The following ANO2 variants were observed in gnomAD, a reference collection of about 807,000 sequenced individuals.
The protein encoded by ANO2 is anoctamin-2.
A neutral mutation model predicts 124.2 loss-of-function variants in ANO2; 101 were observed. That is an observed-to-expected ratio of 0.81 (90% CI 0.69 to 0.96). The LOEUF is 0.96. Among genes scored for constraint, ANO2 ranks in the 40% least tolerant of loss-of-function variants. ANO2 has a pLI of 0.00. For synonymous variants in ANO2, 486 were observed against 482.5 expected (o/e 1.01, Z -0.09); for missense variants, 1,293 against 1,274.5 (o/e 1.01, Z -0.22).
intron 14 of ANO2, among the ~76,000 whole-genome samples, chr12:5,724,157 C>T (rs1950342756): frequency 6.6e-6 from 1 of 152,118 alleles, no homozygotes; most frequent in Admixed American, 6.5e-5. Flanking sequence ...ATTTCAGAAA[C>T]ATAACCAGGC....
intron 10 of ANO2, among the ~76,000 whole-genome samples, chr12:5,779,200 A>T (rs538851983): frequency 4.8e-4 from 73 of 152,364 alleles, no homozygotes; most frequent in African/African-American, 1.7e-3. Context: ...GTGTCCAATC[A>T]AGAGTACACT....
rs1386477501 is a variant in ANO2, at chr12:5,921,306, T to C, written c.268A>G (p.Met90Val). 1.9e-6 allele frequency: 3 copies of C among 1,613,948 alleles called. No homozygotes were observed. In the East Asian group the frequency reaches 6.7e-5, roughly 36 times the overall value. ...TTCCTCTGACTGTCATGGAAGTGCATGCGGCTAAGACGGGCCTCCAAGGAC... is the reference window on the plus strand; with the variant it reads ...TTCCTCTGACTGTCATGGAAGTGCACGCGGCTAAGACGGGCCTCCAAGGAC... ...PVSLEARLSR[M>V]HFHDSQRKVD... Residue 90 changes from methionine to valine, a missense_variant, in exon 3 of 25, where the codon ATG (methionine) becomes GTG (valine). By Grantham distance (21) the Met-to-Val change is conservative (BLOSUM62 1). Coordinates refer to ENST00000682330, the MANE Select transcript of ANO2 (RefSeq NM_001364791.2).
At chr12:5,612,015 C>T (rs1024836077) in intron 19 of ANO2, among the ~76,000 whole-genome samples, 1 of 152,186 alleles carries the variant, frequency 6.6e-6, no homozygotes, top group African/African-American at 2.4e-5. Flanking sequence ...GAAGGAAAAG[C>T]AGAGGGGGTT....
At position 5,636,520 on chromosome 12, in the gene ANO2, C is replaced by A. The variant is rs1946019437; in HGVS notation, c.1621-1173G>T. 6.6e-6 allele frequency among the ~76,000 whole-genome samples: 1 copy of A among 151,848 alleles called. No individual in the cohort carries two copies. Among genetic ancestry groups the A allele is most frequent in the Non-Finnish European group, 1.5e-5 (1 of 67,990 alleles). On this transcript the variant is annotated intron_variant, in intron 15 of 24. Coordinates refer to ENST00000682330, the MANE Select transcript of ANO2 (RefSeq NM_001364791.2). This position sits in a 1 kb window ranked among gnomAD's most constrained non-coding sequence, Gnocchi z 4.6. Reference sequence around the variant, plus strand: ...TTTCCTCCGCAGGACAGAGAATGGGCACTGGCTATGAAGGACTAAATAGAA... The same window carrying A: ...TTTCCTCCGCAGGACAGAGAATGGGAACTGGCTATGAAGGACTAAATAGAA...
At chr12:5,939,641 C>T (rs1942815095) in intron 1 of ANO2, among the ~76,000 whole-genome samples, 2 of 152,160 alleles carry the variant, frequency 1.3e-5, no homozygotes, top group African/African-American at 4.8e-5. Context: ...TTATCCACAC[C>T]GATGGTGAAG....
At position 5,942,905 on chromosome 12, in the gene ANO2, A is replaced by G. The variant is rs115990144; in HGVS notation, c.22+2291T>C. 2.8e-3 allele frequency among the ~76,000 whole-genome samples: 430 copies of G among 152,346 alleles called. 1 individual carries two copies. The highest frequency in any genetic ancestry group is 9.9e-3 in the African/African-American group (413 of 41,584). On this transcript the variant is annotated intron_variant, in intron 1 of 24. Coordinates refer to ENST00000682330, the MANE Select transcript of ANO2 (RefSeq NM_001364791.2). The stretch of plus-strand genomic sequence containing the variant: ...CAGGGAAATGCAAATTAAAACCACA[A>G]TGAGATAACCCACCTTACTGCTGCA...
intron 14 of ANO2, among the ~76,000 whole-genome samples, chr12:5,727,463 G>A (rs1950482846): frequency 6.7e-6 from 1 of 149,562 alleles, no homozygotes; most frequent in Non-Finnish European, 1.5e-5. Flanking sequence ...TTATAGCAAT[G>A]CAAGAATGGC....
At chr12:5,569,828 A>G (rs1270148481) in intron 23 of ANO2, among the ~76,000 whole-genome samples, 2 of 152,206 alleles carry the variant, frequency 1.3e-5, no homozygotes, top group Admixed American at 6.5e-5. Flanking sequence ...TTTTGCAGAA[A>G]ATGAACACAA....
chr12:5,929,825 TCTTC>T, intron 1 of ANO2, among the ~76,000 whole-genome samples: 1 of 146,608 alleles, frequency 6.8e-6, no homozygotes, highest in African/African-American at 2.5e-5. Context: ...TTCTTACCAG[TCTTC>T]CTTCCTTACT....
chr12:5,737,256 G>C (rs1473356174), intron 13 of ANO2, among the ~76,000 whole-genome samples: 1 of 152,222 alleles, frequency 6.6e-6, no homozygotes, highest in Non-Finnish European at 1.5e-5. Context: ...CATCCGGAAA[G>C]TCTCCTTAGG....
chr12:5,725,724 C>T (rs1350443064), intron 14 of ANO2, among the ~76,000 whole-genome samples: 1 of 152,052 alleles, frequency 6.6e-6, no homozygotes, highest in Non-Finnish European at 1.5e-5. Flanking sequence ...TGCTCCTGTC[C>T]TTGCAGCCCT....
intron 19 of ANO2, 135 bp from the exon 20 acceptor site, chr12:5,599,764 G>C: frequency 1.0e-6 from 1 of 978,180 alleles, no homozygotes; most frequent in Non-Finnish European, 1.5e-6. Context: ...GAGATAGAGA[G>C]ACACTAAAGA....
chr12:5,879,759 C>T (rs1274856755), intron 3 of ANO2, among the ~76,000 whole-genome samples: 2 of 152,116 alleles, frequency 1.3e-5, no homozygotes, highest in Non-Finnish European at 2.9e-5. Context: ...TGACTCCAGC[C>T]TAGGGTGTGC....
chr12:5,620,259 A>C (rs1269356070), intron 16 of ANO2, among the ~76,000 whole-genome samples: 1 of 152,234 alleles, frequency 6.6e-6, no homozygotes, highest in Non-Finnish European at 1.5e-5. Flanking sequence ...TTAGTGGAGA[A>C]AGGCAGCAGA....
chr12:5,739,596 T>TACACACACACACACACAC lies in ANO2; in HGVS notation c.1352-215_1352-198dup, dbSNP rs71064167. Among the ~76,000 whole-genome samples, 54 of 145,180 alleles carry TACACACACACACACACAC rather than the reference T, an allele frequency of 3.7e-4. 1 individual carries two copies. Among genetic ancestry groups the TACACACACACACACACAC allele is most frequent in the South Asian group, 7.0e-4 (3 of 4,290 alleles). ...CATCCTTGAGAGCCAATAGATATGT[T>TACACACACACACACACAC]ACACACACACACACACACACACACA... On this transcript the variant is annotated intron_variant, in intron 12 of 24. Coordinates refer to ENST00000682330, the MANE Select transcript of ANO2 (RefSeq NM_001364791.2).
At chr12:5,797,472 T>C (rs937563047) in intron 10 of ANO2, among the ~76,000 whole-genome samples, 2 of 151,828 alleles carry the variant, frequency 1.3e-5, no homozygotes, top group African/African-American at 2.4e-5. Context: ...AAATGAGGAG[T>C]TTGGTGTGCT....
In ANO2 at chr12:5,562,999, G is replaced by T. The variant is rs955721390; in HGVS notation, c.*300C>A. 7.8e-6 allele frequency: 3 copies of T among 384,046 alleles called. No individual in the cohort carries two copies. The highest frequency in any genetic ancestry group is 6.0e-5 in the African/African-American group (3 of 49,690). The allele number at this position is 384,046 out of a possible 1,614,324, so 23.8% of individuals were successfully genotyped here. Reference sequence around the variant, plus strand: ...TGCCCCAGGGTACATGGGAATGCTCGCGGTGCCTGAGACTCTGGGGTGGAG... The same window carrying T: ...TGCCCCAGGGTACATGGGAATGCTCTCGGTGCCTGAGACTCTGGGGTGGAG... On this transcript the variant is annotated 3_prime_UTR_variant, in exon 25 of 25. Coordinates refer to ENST00000682330, the MANE Select transcript of ANO2 (RefSeq NM_001364791.2).
chr12:5,860,101 T>G (rs959559239), intron 3 of ANO2, among the ~76,000 whole-genome samples: 2 of 152,140 alleles, frequency 1.3e-5, no homozygotes, highest in Non-Finnish European at 2.9e-5. Context: ...CCCTTCTCAC[T>G]GTCATCTGGC....
intron 22 of ANO2, among the ~76,000 whole-genome samples, chr12:5,577,478 T>TA (rs1319965994): frequency 6.6e-6 from 1 of 152,216 alleles, no homozygotes; most frequent in Non-Finnish European, 1.5e-5. Context: ...GTGGGACCCT[T>TA]CTTCTATGTC....
Sources: allele counts gnomAD v4.1 joint callset (sites outside exome capture counted in the v4.1 genomes callset), GRCh38; gene constraint gnomAD v4.1.1; non-coding constraint Gnocchi (gnomAD v3.1); transcripts MANE v1.5; gene names NCBI Gene and HGNC (gene_info 2026-07-23, HGNC 2026-07-21).